GABRG3: variants seen among roughly 807,000 people sequenced by gnomAD.
GABRG3 encodes the protein gamma-aminobutyric acid type A receptor subunit gamma3.
Under a neutral mutation model 48.8 loss-of-function variants are expected in GABRG3, and 25 were observed. The observed-to-expected ratio is 0.51, with a 90% CI of 0.37 to 0.72. The LOEUF (loss-of-function observed/expected upper bound fraction) is 0.72. Among genes scored for constraint, GABRG3 ranks in the 30% least tolerant of loss-of-function variants. The probability of loss-of-function intolerance (pLI) is 0.00; values close to 1 mark genes in which losing one functional copy is unlikely to be tolerated. For missense variants in GABRG3, 394 were observed against 577.9 expected (o/e 0.68, Z 3.26); for synonymous variants, 227 against 217.6 (o/e 1.04, Z -0.38).
intron 3 of GABRG3, among the ~76,000 whole-genome samples, chr15:27,184,310 T>A (rs1888025181): frequency 6.6e-6 from 1 of 152,284 alleles, no homozygotes; most frequent in Non-Finnish European, 1.5e-5. Context: ...CCCTTTCCTC[T>A]CCCTGACAGA....
At chr15:27,493,536 G>A (rs1361484191) in intron 6 of GABRG3, among the ~76,000 whole-genome samples, 2 of 151,848 alleles carry the variant, frequency 1.3e-5, no homozygotes, top group African/African-American at 4.8e-5. Flanking sequence ...AAGAAATAGA[G>A]GAATTAAAAC....
intron 5 of GABRG3, among the ~76,000 whole-genome samples, chr15:27,410,300 A>G (rs900084405): frequency 1.3e-5 from 2 of 152,202 alleles, no homozygotes; most frequent in African/African-American, 2.4e-5. Context: ...GATTCAATTT[A>G]CTATTTTTTA....
At chr15:27,225,435 T>C (rs560993907) in intron 3 of GABRG3, among the ~76,000 whole-genome samples, 3 of 152,084 alleles carry the variant, frequency 2.0e-5, no homozygotes, top group Non-Finnish European at 2.9e-5. Flanking sequence ...CTTACAAGGG[T>C]GGGCTGCCGA....
intron 3 of GABRG3, among the ~76,000 whole-genome samples, chr15:27,162,813 T>G (rs534018880): frequency 3.0e-4 from 45 of 152,138 alleles, no homozygotes; most frequent in Non-Finnish European, 5.9e-4. Flanking sequence ...AGCAGAAAAT[T>G]AGCTTGCACA....
intron 3 of GABRG3, among the ~76,000 whole-genome samples, chr15:27,247,758 G>A (rs1890312946): frequency 6.6e-6 from 1 of 152,150 alleles, no homozygotes; most frequent in Admixed American, 6.5e-5. Flanking sequence ...TCACATGGTG[G>A]CAGCAAGAGA....
At chr15:27,365,288 GACAC>G (rs1895153158) in intron 5 of GABRG3, 1 of 100,224 alleles carries the variant, frequency 1.0e-5, no homozygotes, top group Admixed American at 1.3e-4. Flanking sequence ...TTATAGCTAA[GACAC>G]ACACAGACAC....
At chr15:27,492,641 T>C (rs947512973) in intron 6 of GABRG3, among the ~76,000 whole-genome samples, 3 of 152,252 alleles carry the variant, frequency 2.0e-5, no homozygotes, top group Admixed American at 6.5e-5. Context: ...TGCAGTGATA[T>C]TGTTTGTTTC....
intron 3 of GABRG3, among the ~76,000 whole-genome samples, chr15:27,149,103 C>T (rs1481078698): frequency 2.0e-5 from 3 of 151,958 alleles, no homozygotes; most frequent in African/African-American, 4.8e-5. Context: ...AAATTAAGAG[C>T]GTCTGCCCCC....
At chr15:27,167,882 G>T (rs891922525) in intron 3 of GABRG3, among the ~76,000 whole-genome samples, 18 of 152,184 alleles carry the variant, frequency 1.2e-4, no homozygotes, top group Non-Finnish European at 2.4e-4. Flanking sequence ...GGCGATCACT[G>T]GTACTGTTAC....
intron 3 of GABRG3, among the ~76,000 whole-genome samples, chr15:27,061,182 G>A (rs1387023008): frequency 6.6e-6 from 1 of 152,198 alleles, no homozygotes; most frequent in Non-Finnish European, 1.5e-5. Flanking sequence ...GAAGTGAAAG[G>A]CCAATTGGTT....
intron 3 of GABRG3, among the ~76,000 whole-genome samples, chr15:27,170,771 G>A (rs1235094906): frequency 6.6e-6 from 1 of 152,078 alleles, no homozygotes; most frequent in Non-Finnish European, 1.5e-5. Flanking sequence ...ATAAGATGTG[G>A]GCAAGAAATA....
intron 5 of GABRG3, among the ~76,000 whole-genome samples, chr15:27,436,995 TAGAGAGAGAGAGAGAGAGAG>T (rs10549691): frequency 8.4e-5 from 11 of 130,476 alleles, no homozygotes; most frequent in African/African-American, 3.1e-4. Flanking sequence ...CTCCGAAAAA[TAGAGAGAGAGAGAGAGAGAG>T]AGAGAGAGAG....
chr15:27,039,461 A>G (rs367665274), intron 3 of GABRG3, among the ~76,000 whole-genome samples: 10 of 152,154 alleles, frequency 6.6e-5, no homozygotes, highest in African/African-American at 2.4e-4. Context: ...TGCACCACGG[A>G]GTGGCCTTAG....
intron 3 of GABRG3, among the ~76,000 whole-genome samples, chr15:27,308,843 A>G (rs975970844): frequency 6.7e-6 from 1 of 150,036 alleles, no homozygotes; most frequent in South Asian, 2.2e-4. Context: ...TTATATAAAA[A>G]CACAGAATGT....
chr15:27,287,524 G>A (rs1209671627), intron 3 of GABRG3, among the ~76,000 whole-genome samples: 1 of 152,006 alleles, frequency 6.6e-6, no homozygotes, highest in Admixed American at 6.6e-5. Flanking sequence ...AAATTACTTT[G>A]GAGCATAATG....
At chr15:27,158,228 A>G (rs1898484944) in intron 3 of GABRG3, 1 of 152,230 alleles carries the variant, frequency 6.6e-6, no homozygotes. Flanking sequence ...AGGGTAAATT[A>G]CACCAGGACA....
chr15:26,972,132 T>A (rs1389444361), intron 1 of GABRG3, among the ~76,000 whole-genome samples: 2 of 151,800 alleles, frequency 1.3e-5, no homozygotes, highest in African/African-American at 4.8e-5. Context: ...AGGACTCCCC[T>A]CCCAGGTCCT....
At chr15:26,971,911 C>T (rs952973371) in intron 1 of GABRG3, among the ~76,000 whole-genome samples, 1 of 152,156 alleles carries the variant, frequency 6.6e-6, no homozygotes, top group Admixed American at 6.5e-5. Flanking sequence ...TTACCGACCC[C>T]TAATTCCCAC....
intron 3 of GABRG3, among the ~76,000 whole-genome samples, chr15:27,034,417 C>T (rs960884419): frequency 5.9e-5 from 9 of 152,058 alleles, no homozygotes; most frequent in Non-Finnish European, 1.2e-4. Context: ...AAAAATAATA[C>T]CTTTGCACAT....
Sources: gnomAD v4.1 joint callset for allele counts (sites outside exome capture counted in the v4.1 genomes callset) on GRCh38, gnomAD v4.1.1 for gene constraint, MANE v1.5 for transcripts, NCBI Gene and HGNC (gene_info 2026-07-23, HGNC 2026-07-21) for gene names.